Variants in NUTF2 observed in about 807,000 individuals in gnomAD.
NUTF2 encodes nuclear transport factor 2.
In NUTF2, 3 loss-of-function variants were observed where a neutral mutation model predicts 18.5. The observed-to-expected ratio is 0.16, with a 90% CI of 0.07 to 0.42. NUTF2 has a LOEUF of 0.42. Ranked by LOEUF, NUTF2 falls within the 10% of genes least tolerant of loss-of-function variation. The probability of loss-of-function intolerance (pLI) is 0.99; values close to 1 mark genes in which losing one functional copy is unlikely to be tolerated. For synonymous variants in NUTF2, 51 were observed against 57.9 expected (o/e 0.88, Z 0.54); for missense variants, 44 against 160.7 (o/e 0.27, Z 3.93).
chr16:67,864,637 T>G (rs1379911641), intron 1 of NUTF2, among the ~76,000 whole-genome samples: 1 of 151,858 alleles, frequency 6.6e-6, no homozygotes, highest in Admixed American at 6.6e-5. Flanking sequence ...TACAAAATAG[T>G]ACACACACAC....
intron 1 of NUTF2, among the ~76,000 whole-genome samples, chr16:67,863,122 A>T (rs556695522): frequency 1.3e-5 from 2 of 152,188 alleles, no homozygotes; most frequent in South Asian, 4.1e-4. Context: ...GTGTGTGAGT[A>T]CAGCCAGTGT....
Position 67,860,362 on chromosome 16 carries a change from C to T in NUTF2, c.-29-4740C>T, listed in dbSNP as rs556168656. 3.3e-5 allele frequency among the ~76,000 whole-genome samples: 5 copies of T among 152,230 alleles called. No homozygotes were observed. In the South Asian group the frequency reaches 6.2e-4, roughly 19 times the overall value. On this transcript the variant is annotated intron_variant, in intron 1 of 4. Transcript: ENST00000219169. ...AGTTCACAGCTCACTGTAGCCTGGA[C>T]CTCCCAGGCTCAGGTGATCTTCCCA...
intron 1 of NUTF2, chr16:67,855,814 C>T (rs1400223096): frequency 3.8e-5 from 14 of 365,996 alleles, no homozygotes; most frequent in African/African-American, 1.1e-4. Context: ...TTCTGAGGCT[C>T]CATGGAGCTT....
intron 4 of NUTF2, chr16:67,868,800 T>C (rs954744810): frequency 4.0e-5 from 20 of 497,784 alleles, no homozygotes; most frequent in East Asian, 3.2e-4. Context: ...TTAAATAAAA[T>C]GTACTTCTTC....
chr16:67,868,201 C>G (rs2057987561), intron 2 of NUTF2, 139 bp from the exon 3 acceptor site: 9 of 685,962 alleles, frequency 1.3e-5, no homozygotes, highest in South Asian at 9.5e-5. Context: ...GGGGGCTATA[C>G]TCAGTCTCCT....
At position 67,868,408 on chromosome 16, in the gene NUTF2, G is replaced by T; in HGVS notation, c.168G>T (p.Leu56Phe). Residue 56 changes from leucine (L) to phenylalanine (F), a missense_variant, in exon 3 of 5, where the codon TTG becomes TTT. Leu to Phe is a conservative substitution (Grantham distance 22, BLOSUM62 0). Coordinates refer to ENST00000219169, the MANE Select transcript of NUTF2 (RefSeq NM_005796.3). ...GGAAAGCTGCCATTGTGGAGAAGTT[G>T]TCTGTAAGTAGGGAAGAAAGCCAGG... ...FQGKAAIVEK[L>F]SSLPFQKIQH... 1 of 1,614,184 alleles carries T rather than the reference G, an allele frequency of 6.2e-7. No individual in the cohort carries two copies. The highest frequency in any genetic ancestry group is 1.1e-5 in the South Asian group (1 of 91,086).
At chr16:67,857,171 A>C (rs12930280) in intron 1 of NUTF2, among the ~76,000 whole-genome samples, 3,094 of 152,300 alleles carry the variant, frequency 0.02, 45 homozygotes, top group Non-Finnish European at 0.034. Context: ...TCATGGCCTG[A>C]GGCTCAGTTC....
intron 2 of NUTF2, among the ~76,000 whole-genome samples, chr16:67,866,612 C>T (rs542539741): frequency 1.4e-4 from 21 of 152,168 alleles, no homozygotes; most frequent in African/African-American, 4.6e-4. Context: ...ACTACAGGCA[C>T]GTGTTGCCAT....
At chr16:67,865,801 C>T (rs1320601905) in intron 2 of NUTF2, among the ~76,000 whole-genome samples, 6 of 150,888 alleles carry the variant, frequency 4.0e-5, no homozygotes, top group Non-Finnish European at 8.8e-5. Context: ...TCACTGCAAG[C>T]TCCGCCTCCT....
intron 4 of NUTF2, 67 bp from the exon 5 acceptor site, chr16:67,870,733 C>G: frequency 7.5e-7 from 1 of 1,334,380 alleles, no homozygotes; most frequent in Admixed American, 1.7e-5. Context: ...TTGCCCTCTT[C>G]TCCTACCACT....
At chr16:67,856,037 C>A in intron 1 of NUTF2, 1 of 797,960 alleles carries the variant, frequency 1.3e-6, no homozygotes. Flanking sequence ...GCTCAGGGGC[C>A]GGCACTCACC....
intron 4 of NUTF2, among the ~76,000 whole-genome samples, chr16:67,869,796 A>C (rs1373460259): frequency 6.6e-6 from 1 of 152,200 alleles, no homozygotes; most frequent in African/African-American, 2.4e-5. Context: ...TAAATAAATA[A>C]ATAAAGCCAG....
intron 1 of NUTF2, among the ~76,000 whole-genome samples, chr16:67,853,066 G>A (rs1184394557): frequency 6.6e-6 from 1 of 151,898 alleles, no homozygotes; most frequent in Non-Finnish European, 1.5e-5. Context: ...ATGAGATAAG[G>A]TCTCACTCTT....
At position 67,870,920 on chromosome 16, in the gene NUTF2, C is replaced by T. The variant is rs1464510647; in HGVS notation, c.*7C>T. On this transcript the variant is annotated 3_prime_UTR_variant, in exon 5 of 5. Coordinates refer to ENST00000219169, the MANE Select transcript of NUTF2 (RefSeq NM_005796.3). Reference sequence around the variant, plus strand: ...CCTGCACAACTTTGGCTGACCTCCTCTCAGCTAGGCACTCACGCTGTTTCC... The same window carrying T: ...CCTGCACAACTTTGGCTGACCTCCTTTCAGCTAGGCACTCACGCTGTTTCC... The T allele has an allele frequency of 1.3e-6, 2 of 1,595,106 alleles. No homozygotes were observed. The highest frequency in any genetic ancestry group is 1.7e-6 in the Non-Finnish European group (2 of 1,162,688).
At chr16:67,847,153 C>G (rs1239496478) in intron 1 of NUTF2, 168 bp downstream of exon 1, 1 of 151,820 alleles carries the variant, frequency 6.6e-6, no homozygotes, top group East Asian at 1.9e-4. Flanking sequence ...GGCTCCGCCT[C>G]CCGCCGGTCC....
chr16:67,870,439 G>A, intron 4 of NUTF2: 1 of 223,704 alleles, frequency 4.5e-6, no homozygotes, highest in African/African-American at 2.3e-5. Flanking sequence ...TACTCTATAA[G>A]TTACTTGGTA....
chr16:67,869,533 C>T (rs1448132843), intron 4 of NUTF2, among the ~76,000 whole-genome samples: 5 of 151,608 alleles, frequency 3.3e-5, no homozygotes, highest in Non-Finnish European at 5.9e-5. Flanking sequence ...CGCCTGTAAT[C>T]CCAGCACTTT....
chr16:67,849,905 G>A (rs539234459), intron 1 of NUTF2, among the ~76,000 whole-genome samples: 3 of 151,942 alleles, frequency 2.0e-5, no homozygotes, highest in South Asian at 4.2e-4. Flanking sequence ...TGATCCGCCC[G>A]TCTCGGCCTC....
chr16:67,870,621 A>G (rs1318283588), intron 4 of NUTF2, 179 bp from the exon 5 acceptor site: 5 of 622,162 alleles, frequency 8.0e-6, no homozygotes, highest in South Asian at 3.8e-5. Flanking sequence ...TGCCCAGGGC[A>G]TTGTTTCATA....
Sources: allele counts gnomAD v4.1 joint callset (sites outside exome capture counted in the v4.1 genomes callset), GRCh38; gene constraint gnomAD v4.1.1; transcripts MANE v1.5; gene names NCBI Gene and HGNC (gene_info 2026-07-23, HGNC 2026-07-21).